Variants in PRNP observed in about 807,000 individuals in gnomAD.
The protein encoded by PRNP is major prion protein.
A neutral mutation model predicts 21.3 loss-of-function variants in PRNP; 15 were observed. The ratio of observed to expected loss-of-function variants is 0.71; its 90% CI spans 0.47 to 1.09. The LOEUF (loss-of-function observed/expected upper bound fraction) is 1.09. PRNP is among the 50% of genes least tolerant of loss of function. PRNP has a pLI of 0.00. For missense variants in PRNP, 285 were observed against 340.9 expected (o/e 0.84, Z 1.29); for synonymous variants, 121 against 123.1 (o/e 0.98, Z 0.11).
At chr20:4,691,469 A>G (rs957714218) in intron 1 of PRNP, among the ~76,000 whole-genome samples, 1 of 152,222 alleles carries the variant, frequency 6.6e-6, no homozygotes, top group Non-Finnish European at 1.5e-5. Flanking sequence ...AGTTTTTATC[A>G]TGAAAGAATG....
chr20:4,694,994 G>A (rs1922075153), intron 1 of PRNP, among the ~76,000 whole-genome samples: 1 of 151,568 alleles, frequency 6.6e-6, no homozygotes, highest in Non-Finnish European at 1.5e-5. Flanking sequence ...GTCTCTTACT[G>A]CTCTGTAAGA....
intron 1 of PRNP, among the ~76,000 whole-genome samples, chr20:4,688,960 A>C (rs1568529191): frequency 1.3e-5 from 2 of 152,198 alleles, no homozygotes; most frequent in African/African-American, 2.4e-5. Flanking sequence ...AAGAGAAAGG[A>C]GAGATTGTTA....
At position 4,695,977 on chromosome 20, in the gene PRNP, C is replaced by T. The variant is rs371210946; in HGVS notation, c.-10-3234C>T. On this transcript the variant is annotated intron_variant, in intron 1 of 1. Transcript: ENST00000379440. ...AAAGTGTATCTACGTGGGTTTCTCT[C>T]TCAACTTGCTTTTCTGTTTCCTTTG... Among the ~76,000 whole-genome samples, 12 of 152,328 alleles carry T rather than the reference C, an allele frequency of 7.9e-5. No individual in the cohort carries two copies. In the South Asian group the frequency reaches 1.2e-3, roughly 16 times the overall value.
intron 1 of PRNP, among the ~76,000 whole-genome samples, chr20:4,690,850 C>T (rs1487196225): frequency 6.6e-6 from 1 of 152,130 alleles, no homozygotes; most frequent in African/African-American, 2.4e-5. Flanking sequence ...AAATAAAAAG[C>T]ATCCAAATTT....
chr20:4,700,922 A>G lies in PRNP; in HGVS notation c.*940A>G, dbSNP rs1922566418. 6.0e-6 allele frequency: 1 copy of G among 166,884 alleles called. No individual in the cohort carries two copies. Among genetic ancestry groups the G allele is most frequent in the South Asian group, 2.1e-4 (1 of 4,838 alleles). The allele number at this position is 166,884 out of a possible 1,614,324, so 10.3% of individuals were successfully genotyped here. ...CTGCAGTTGTGAAAGCACCATCATC[A>G]TAGAGGATGATGTAATTAAAAAATG... is the stretch of plus-strand genomic sequence containing the variant. On this transcript the variant is annotated 3_prime_UTR_variant, in exon 2 of 2. Coordinates refer to ENST00000379440, the MANE Select transcript of PRNP (RefSeq NM_000311.5). This position sits in a 1 kb window ranked among gnomAD's most constrained non-coding sequence, Gnocchi z 4.1.
rs950920369 is a variant in PRNP at position 4,700,240 on chromosome 20, A to G, written c.*258A>G. On this transcript the variant is annotated 3_prime_UTR_variant, in exon 2 of 2. Coordinates refer to ENST00000379440, the MANE Select transcript of PRNP (RefSeq NM_000311.5). This position sits in a 1 kb window ranked among gnomAD's most constrained non-coding sequence, Gnocchi z 4.1. ...AGTAAAAGTATAACAGCAAATAACC[A>G]TTGGTTAATCTGGACTTATTTTTGG... is the stretch of plus-strand genomic sequence containing the variant. The G allele has an allele frequency of 2.7e-5, 32 of 1,191,576 alleles. No homozygotes were observed. Among genetic ancestry groups the G allele is most frequent in the Non-Finnish European group, 3.6e-5 (30 of 837,822 alleles). The allele number at this position is 1,191,576 out of a possible 1,614,324, so 73.8% of individuals were successfully genotyped here. A position where few individuals can be genotyped will look rare whatever the true frequency, so the allele number is the denominator to read the frequency against.
chr20:4,693,703 G>A (rs1198458298), intron 1 of PRNP, among the ~76,000 whole-genome samples: 3 of 152,066 alleles, frequency 2.0e-5, no homozygotes, highest in Non-Finnish European at 4.4e-5. Context: ...TGTGTCCTCA[G>A]CCCCTAGCAC....
chr20:4,699,229 C>T lies in PRNP; in HGVS notation c.9C>T (p.Asn3=). 6.2e-7 allele frequency: 1 copy of T among 1,614,090 alleles called. No homozygotes were observed. The highest frequency in any genetic ancestry group is 8.5e-7 in the Non-Finnish European group (1 of 1,180,046). Residue 3 remains asparagine, a synonymous_variant, in exon 2 of 2, where the codon AAC becomes AAT. Transcript: ENST00000379440. The surrounding 1 kb of genome is among the most constrained non-coding windows in gnomAD (Gnocchi z 5.8). ...TTTGCAGAGCAGTCATTATGGCGAA[C>T]CTTGGCTGCTGGATGCTGGTTCTCT... MA[N]LGCWMLVLFV... is the part of the protein sequence containing the mutation.
chr20:4,688,120 A>G (rs1328982660), intron 1 of PRNP, among the ~76,000 whole-genome samples: 1 of 152,254 alleles, frequency 6.6e-6, no homozygotes, highest in Non-Finnish European at 1.5e-5. Flanking sequence ...TATTAAGATT[A>G]TAATAGATAA....
chr20:4,693,027 A>G (rs1176554612), intron 1 of PRNP, among the ~76,000 whole-genome samples: 1 of 152,144 alleles, frequency 6.6e-6, no homozygotes, highest in Non-Finnish European at 1.5e-5. Flanking sequence ...AGGTGTGGCA[A>G]AGTTTACATG....
At chr20:4,687,713 G>T (rs1921566781) in intron 1 of PRNP, among the ~76,000 whole-genome samples, 1 of 152,180 alleles carries the variant, frequency 6.6e-6, no homozygotes, top group African/African-American at 2.4e-5. Flanking sequence ...TTTCACTGCT[G>T]TAATGATGAG....
chr20:4,693,955 A>C (rs1344555198), intron 1 of PRNP, among the ~76,000 whole-genome samples: 2 of 150,898 alleles, frequency 1.3e-5, no homozygotes, highest in African/African-American at 2.4e-5. Flanking sequence ...AAAAAAAAAA[A>C]ACCAGGCGTG....
intron 1 of PRNP, among the ~76,000 whole-genome samples, chr20:4,695,003 G>T (rs1922075778): frequency 6.6e-6 from 1 of 151,892 alleles, no homozygotes; most frequent in Admixed American, 6.6e-5. Context: ...TGCTCTGTAA[G>T]AATTCCTTGC....
At chr20:4,687,457 GGGTCACC>G (rs1921543889) in intron 1 of PRNP, among the ~76,000 whole-genome samples, 1 of 152,206 alleles carries the variant, frequency 6.6e-6, no homozygotes, top group South Asian at 2.1e-4. Context: ...GACGACCCTT[GGGTCACC>G]GGTCTCCCCA....
intron 1 of PRNP, among the ~76,000 whole-genome samples, chr20:4,690,732 A>T (rs1921770129): frequency 6.6e-6 from 1 of 152,236 alleles, no homozygotes; most frequent in African/African-American, 2.4e-5. Context: ...AATTAGAAAG[A>T]GATCTTTTCC....
intron 1 of PRNP, among the ~76,000 whole-genome samples, chr20:4,690,730 A>G (rs1156617210): frequency 1.3e-5 from 2 of 152,222 alleles, no homozygotes; most frequent in Non-Finnish European, 2.9e-5. Context: ...AAAATTAGAA[A>G]GAGATCTTTT....
intron 1 of PRNP, among the ~76,000 whole-genome samples, chr20:4,687,137 C>T (rs1444915302): frequency 1.3e-5 from 2 of 152,164 alleles, no homozygotes; most frequent in East Asian, 3.9e-4. Context: ...TCCCGGGAGG[C>T]GGCCCAGCCC....
intron 1 of PRNP, among the ~76,000 whole-genome samples, chr20:4,691,929 G>A (rs1404997616): frequency 6.6e-6 from 1 of 152,180 alleles, no homozygotes; most frequent in East Asian, 1.9e-4. Context: ...TGTGTATTCT[G>A]CAGCTGTTGG....
chr20:4,688,100 GA>G (rs775914848), intron 1 of PRNP, among the ~76,000 whole-genome samples: 11 of 152,088 alleles, frequency 7.2e-5, no homozygotes, highest in Non-Finnish European at 1.3e-4. Flanking sequence ...CTTCCACACC[GA>G]AAGGAAAATA....
Sources: allele counts gnomAD v4.1 joint callset (sites outside exome capture counted in the v4.1 genomes callset), GRCh38; gene constraint gnomAD v4.1.1; non-coding constraint Gnocchi (gnomAD v3.1); transcripts MANE v1.5; gene names NCBI Gene and HGNC (gene_info 2026-07-23, HGNC 2026-07-21).